Variants in STK32C observed in about 807,000 individuals in gnomAD.
The protein encoded by STK32C is serine/threonine-protein kinase 32C.
STK32C carries 31 observed loss-of-function variants against 56.5 expected under a neutral mutation model. The ratio of observed to expected loss-of-function variants is 0.55; its 90% CI spans 0.41 to 0.74. The LOEUF (loss-of-function observed/expected upper bound fraction) is 0.74. Ranked by LOEUF, STK32C falls within the 30% of genes least tolerant of loss-of-function variation. The probability of loss-of-function intolerance (pLI) is 0.00; values close to 1 mark genes in which losing one functional copy is unlikely to be tolerated. For synonymous variants in STK32C, 309 were observed against 289.4 expected (o/e 1.07, Z -0.69); for missense variants, 544 against 676.9 (o/e 0.80, Z 2.18).
At chr10:132,244,007 G>A (rs993917557) in intron 2 of STK32C, among the ~76,000 whole-genome samples, 3 of 152,226 alleles carry the variant, frequency 2.0e-5, no homozygotes, top group South Asian at 2.1e-4. Context: ...GGCCACATGT[G>A]AGCAGACACA....
At chr10:132,330,277 G>A in intron 1 of STK32C, 2 of 587,688 alleles carry the variant, frequency 3.4e-6, no homozygotes, top group South Asian at 2.0e-5. Context: ...CAAGCAAGAG[G>A]GAATACGCTC....
intron 1 of STK32C, among the ~76,000 whole-genome samples, chr10:132,275,617 G>A (rs561156264): frequency 1.8e-4 from 27 of 152,306 alleles, no homozygotes; most frequent in African/African-American, 4.8e-4. Context: ...GCCAGGCCAC[G>A]GGGCCAGTGG....
chr10:132,288,359 TC>T (rs2065472515), intron 1 of STK32C, among the ~76,000 whole-genome samples: 1 of 152,238 alleles, frequency 6.6e-6, no homozygotes, highest in African/African-American at 2.4e-5. Context: ...ATACTGAACT[TC>T]ATCAACATTT....
At chr10:132,208,239 G>A (rs1421383548) in intron 11 of STK32C, 88 bp from the exon 12 acceptor site, 2 of 1,254,128 alleles carry the variant, frequency 1.6e-6, no homozygotes, top group African/African-American at 3.0e-5. Flanking sequence ...TCATGGGGTA[G>A]GCCATGGCGT....
intron 1 of STK32C, among the ~76,000 whole-genome samples, chr10:132,253,244 A>T (rs1359208644): frequency 6.6e-6 from 1 of 152,214 alleles, no homozygotes; most frequent in Admixed American, 6.5e-5. Flanking sequence ...GGTTGCCAGC[A>T]CAGGTGGCCC....
intron 5 of STK32C, 34 bp downstream of exon 5, chr10:132,225,713 C>T (rs1159772276): frequency 1.2e-6 from 2 of 1,613,686 alleles, no homozygotes; most frequent in Admixed American, 3.3e-5. Flanking sequence ...CCTGCCACCA[C>T]CCACCTGGGC....
intron 1 of STK32C, among the ~76,000 whole-genome samples, chr10:132,299,707 C>G (rs1048418099): frequency 6.6e-6 from 1 of 152,244 alleles, no homozygotes; most frequent in East Asian, 1.9e-4. Context: ...TGAGAAACCA[C>G]AAGGAGGCTG....
At chr10:132,285,407 G>A (rs2065370042) in intron 1 of STK32C, among the ~76,000 whole-genome samples, 1 of 152,206 alleles carries the variant, frequency 6.6e-6, no homozygotes. Flanking sequence ...CAATTAAAGA[G>A]CAGATATTTT....
chr10:132,265,239 G>A (rs1164458488), intron 1 of STK32C, among the ~76,000 whole-genome samples: 1 of 150,264 alleles, frequency 6.7e-6, no homozygotes. Context: ...CAGCGAGGTG[G>A]CTCTGGGGGT....
Position 132,209,189 on chromosome 10 carries a change from C to T in STK32C, c.1252-88G>A, listed in dbSNP as rs1030783596. 13 of 1,252,232 alleles carry T rather than the reference C, an allele frequency of 1.0e-5. No homozygotes were observed. In the African/African-American group the frequency reaches 1.2e-4, roughly 11 times the overall value. The allele number at this position is 1,252,232 out of a possible 1,614,324, so 77.6% of individuals were successfully genotyped here. ...CAAGTGAGTGTCTGGGCATCCCCATCGGGCCTCCACCTGTGGCTTTGGATG... is the reference window on the plus strand; with the variant it reads ...CAAGTGAGTGTCTGGGCATCCCCATTGGGCCTCCACCTGTGGCTTTGGATG... On this transcript the variant is annotated intron_variant, in intron 10 of 11. Transcript: ENST00000298630.
intron 1 of STK32C, among the ~76,000 whole-genome samples, chr10:132,304,647 T>C (rs567889968): frequency 1.7e-4 from 26 of 152,368 alleles, no homozygotes; most frequent in Non-Finnish European, 3.1e-4. Flanking sequence ...ATGCTGAAGT[T>C]ACAGATACCG....
At chr10:132,217,060 G>A (rs1214916377) in intron 10 of STK32C, among the ~76,000 whole-genome samples, 1 of 152,054 alleles carries the variant, frequency 6.6e-6, no homozygotes, top group Non-Finnish European at 1.5e-5. Flanking sequence ...CCCCAGAATG[G>A]TATATCCACC....
chr10:132,247,268 T>C (rs1283685328), intron 1 of STK32C, among the ~76,000 whole-genome samples: 1 of 152,202 alleles, frequency 6.6e-6, no homozygotes, highest in East Asian at 1.9e-4. Flanking sequence ...GAACAGTTTC[T>C]AGACGAAAGG....
intron 1 of STK32C, among the ~76,000 whole-genome samples, chr10:132,277,378 G>A (rs1466908413): frequency 6.6e-6 from 1 of 152,224 alleles, no homozygotes; most frequent in Non-Finnish European, 1.5e-5. Flanking sequence ...CCAGGCTGAG[G>A]AGGCTGGGAC....
intron 1 of STK32C, among the ~76,000 whole-genome samples, chr10:132,285,525 A>C (rs930086990): frequency 5.3e-5 from 8 of 152,266 alleles, no homozygotes; most frequent in African/African-American, 1.9e-4. Context: ...ATACATCATG[A>C]AAACACTGAT....
At chr10:132,208,934 C>CAG in intron 11 of STK32C, 100 bp downstream of exon 11, 2 of 1,138,086 alleles carry the variant, frequency 1.8e-6, no homozygotes, top group South Asian at 1.4e-5. Flanking sequence ...CCACGCACCC[C>CAG]AGGCCCACAG....
Position 132,270,401 on chromosome 10 carries a change from C to T in STK32C, c.263-24446G>A, listed in dbSNP as rs531834321. The stretch of plus-strand genomic sequence containing the variant: ...GCCCACGCCGCTGGCCTTGCAGATG[C>T]AGGGGTCATGAGCCATGGCTGCAGG... On this transcript the variant is annotated intron_variant, in intron 1 of 11. Coordinates refer to ENST00000298630, the MANE Select transcript of STK32C (RefSeq NM_173575.4). 1.8e-3 allele frequency among the ~76,000 whole-genome samples: 269 copies of T among 152,376 alleles called. 1 individual carries two copies. The highest frequency in any genetic ancestry group is 3.5e-3 in the Admixed American group (53 of 15,312).
chr10:132,283,901 A>G (rs888825435), intron 1 of STK32C, among the ~76,000 whole-genome samples: 3 of 152,148 alleles, frequency 2.0e-5, no homozygotes, highest in Admixed American at 2.0e-4. Flanking sequence ...CGCCCCATCC[A>G]AAGTCCAGGG....
At chr10:132,292,206 G>A (rs77375698) in intron 1 of STK32C, among the ~76,000 whole-genome samples, 2,251 of 152,240 alleles carry the variant, frequency 0.015, 60 homozygotes, top group African/African-American at 0.05. Context: ...GCACCTCCAC[G>A]AGGAGTAGAC....
Sources: allele counts gnomAD v4.1 joint callset (sites outside exome capture counted in the v4.1 genomes callset), GRCh38; gene constraint gnomAD v4.1.1; transcripts MANE v1.5; gene names NCBI Gene and HGNC (gene_info 2026-07-23, HGNC 2026-07-21).